ALK: variants seen among roughly 807,000 people sequenced by gnomAD.
ALK encodes ALK tyrosine kinase receptor.
In ALK, 74 loss-of-function variants were observed where a neutral mutation model predicts 163.1. That is an observed-to-expected ratio of 0.45 (90% CI 0.38 to 0.55). The LOEUF is 0.55. Ranked by LOEUF, ALK falls within the 20% of genes least tolerant of loss-of-function variation. The probability of loss-of-function intolerance (pLI) is 0.00; values close to 1 mark genes in which losing one functional copy is unlikely to be tolerated. For missense variants in ALK, 2,063 were observed against 2,105.3 expected, an observed-to-expected ratio of 0.98 and a Z score of 0.39; for synonymous variants, 960 against 843.2, an observed-to-expected ratio of 1.14 and a Z score of -2.40.
chr2:29,252,628 T>A (rs1294331431), intron 11 of ALK, among the ~76,000 whole-genome samples: 1 of 152,166 alleles, frequency 6.6e-6, no homozygotes, highest in Non-Finnish European at 1.5e-5. Flanking sequence ...GTGGAAGTTC[T>A]GGGTGGGGTT....
At chr2:29,756,049 A>G (rs1370998121) in intron 1 of ALK, among the ~76,000 whole-genome samples, 1 of 152,198 alleles carries the variant, frequency 6.6e-6, no homozygotes, top group East Asian at 1.9e-4. Flanking sequence ...GAGCGGGACT[A>G]ATAGGTTTCT....
intron 9 of ALK, among the ~76,000 whole-genome samples, chr2:29,277,257 G>A (rs1665571042): frequency 6.6e-6 from 1 of 152,182 alleles, no homozygotes; most frequent in Non-Finnish European, 1.5e-5. Context: ...TTAGCCAGTG[G>A]GTAAACTACA....
chr2:29,656,792 T>G (rs546656403), intron 3 of ALK, among the ~76,000 whole-genome samples: 1 of 151,936 alleles, frequency 6.6e-6, no homozygotes, highest in African/African-American at 2.4e-5. Context: ...CACAGAGAGG[T>G]AGACATGGCG....
chr2:29,300,198 C>T (rs1026172895), intron 8 of ALK, among the ~76,000 whole-genome samples: 6 of 95,960 alleles, frequency 6.3e-5, no homozygotes, highest in African/African-American at 9.1e-5. Context: ...AAGAAGCTGC[C>T]GGTATCTTGA....
intron 2 of ALK, among the ~76,000 whole-genome samples, chr2:29,715,039 G>C (rs1254159406): frequency 6.6e-6 from 1 of 152,190 alleles, no homozygotes; most frequent in Non-Finnish European, 1.5e-5. Flanking sequence ...TGTCCTATGA[G>C]CAGTGAAAGG....
chr2:29,858,699 C>T (rs1666207423), intron 1 of ALK, among the ~76,000 whole-genome samples: 2 of 151,778 alleles, frequency 1.3e-5, no homozygotes, highest in Admixed American at 1.3e-4. Context: ...GCCAAGATTG[C>T]CTCACTGCAC....
intron 3 of ALK, among the ~76,000 whole-genome samples, chr2:29,612,818 C>T (rs981606042): frequency 3.3e-5 from 5 of 152,180 alleles, no homozygotes; most frequent in Non-Finnish European, 7.3e-5. Context: ...CAGCTGTGCC[C>T]ATCCTGCAGG....
chr2:29,263,145 T>C (rs1441879477), intron 11 of ALK, among the ~76,000 whole-genome samples: 1 of 152,244 alleles, frequency 6.6e-6, no homozygotes, highest in Non-Finnish European at 1.5e-5. Context: ...AAATACCAGC[T>C]CTGCCACACT....
At chr2:29,793,640 A>C (rs1664239674) in intron 1 of ALK, among the ~76,000 whole-genome samples, 1 of 152,144 alleles carries the variant, frequency 6.6e-6, no homozygotes, top group Non-Finnish European at 1.5e-5. Context: ...AGGCATAAAA[A>C]AATTAATTTT....
At chr2:29,435,437 A>G (rs570344793) in intron 4 of ALK, among the ~76,000 whole-genome samples, 65 of 152,146 alleles carry the variant, frequency 4.3e-4, no homozygotes, top group African/African-American at 1.5e-3. Flanking sequence ...GATAAAACTG[A>G]GCACTTCGTA....
chr2:29,525,476 C>T (rs368245015), intron 4 of ALK, among the ~76,000 whole-genome samples: 6 of 152,064 alleles, frequency 3.9e-5, no homozygotes, highest in East Asian at 3.9e-4. Flanking sequence ...CACTCCAAGA[C>T]GAGTAAAATC....
At chr2:29,797,601 C>A (rs1270987185) in intron 1 of ALK, among the ~76,000 whole-genome samples, 1 of 152,154 alleles carries the variant, frequency 6.6e-6, no homozygotes, top group Non-Finnish European at 1.5e-5. Flanking sequence ...ACCAGTATAG[C>A]CCAAGTGCCA....
At chr2:29,860,203 T>C (rs1281973593) in intron 1 of ALK, among the ~76,000 whole-genome samples, 1 of 152,162 alleles carries the variant, frequency 6.6e-6, no homozygotes, top group African/African-American at 2.4e-5. Context: ...ATGGAACTTC[T>C]GGTAGTATCA....
chr2:29,312,975 G>T (rs1666733368), intron 8 of ALK, among the ~76,000 whole-genome samples: 1 of 152,062 alleles, frequency 6.6e-6, no homozygotes, highest in African/African-American at 2.4e-5. Context: ...AGGGACTTGG[G>T]CTTAGTGAGG....
In ALK at chr2:29,823,803, T is replaced by C. The variant is rs757189219; in HGVS notation, c.667+96190A>G. 3.3e-5 allele frequency among the ~76,000 whole-genome samples: 5 copies of C among 152,130 alleles called. No homozygotes were observed. In the South Asian group the frequency reaches 8.3e-4, roughly 25 times the overall value. On this transcript the variant is annotated intron_variant, in intron 1 of 28. Transcript: ENST00000389048. ...GTTCAGAAAATTTGCAGCCTGACAA[T>C]GTGATAGAAAAGAAAATCCCATTTT...
intron 24 of ALK, among the ~76,000 whole-genome samples, chr2:29,211,987 A>G (rs1221857768): frequency 1.3e-5 from 2 of 152,208 alleles, no homozygotes; most frequent in African/African-American, 4.8e-5. Flanking sequence ...GCAACAGAGC[A>G]TTGGGTATCA....
At chr2:29,233,474 A>G in intron 14 of ALK, 91 bp downstream of exon 14, 1 of 1,572,776 alleles carries the variant, frequency 6.4e-7, no homozygotes, top group Non-Finnish European at 8.7e-7. Context: ...GGATAAGAGC[A>G]TCTGAGGTGT....
chr2:29,610,827 T>A (rs534449998), intron 3 of ALK, among the ~76,000 whole-genome samples: 2 of 152,252 alleles, frequency 1.3e-5, no homozygotes, highest in Admixed American at 6.5e-5. Flanking sequence ...CCGGATAAGA[T>A]CATGTCCTAG....
intron 3 of ALK, among the ~76,000 whole-genome samples, chr2:29,674,908 T>C (rs1488333388): frequency 2.5e-5 from 3 of 118,720 alleles, no homozygotes; most frequent in African/African-American, 1.1e-4. Flanking sequence ...CTTGGGAGAG[T>C]GTATGTGTCG....
Sources: gnomAD v4.1 joint callset for allele counts (sites outside exome capture counted in the v4.1 genomes callset) on GRCh38, gnomAD v4.1.1 for gene constraint, MANE v1.5 for transcripts, NCBI Gene and HGNC (gene_info 2026-07-23, HGNC 2026-07-21) for gene names.